Variants in MEGF10 observed in about 807,000 individuals in gnomAD.
MEGF10 encodes the protein multiple epidermal growth factor-like domains protein 10.
In MEGF10, 86 loss-of-function variants were observed where a neutral mutation model predicts 147.5. The ratio of observed to expected loss-of-function variants is 0.58; its 90% CI spans 0.49 to 0.70. The LOEUF is 0.70. Among genes scored for constraint, MEGF10 ranks in the 30% least tolerant of loss-of-function variants. The pLI is 0.00. For missense variants in MEGF10, 1,329 were observed against 1,487.3 expected, an observed-to-expected ratio of 0.89 and a Z score of 1.75; for synonymous variants, 478 against 525.5, an observed-to-expected ratio of 0.91 and a Z score of 1.24.
intron 22 of MEGF10, among the ~76,000 whole-genome samples, chr5:127,452,446 A>G (rs944476952): frequency 6.6e-6 from 1 of 152,214 alleles, no homozygotes; most frequent in Admixed American, 6.5e-5. Context: ...GGGAATTCCC[A>G]AGACCACCCT....
intron 4 of MEGF10, among the ~76,000 whole-genome samples, chr5:127,342,052 T>C (rs780077462): frequency 5.3e-5 from 8 of 152,244 alleles, no homozygotes; most frequent in Non-Finnish European, 1.2e-4. Flanking sequence ...GCTTATACCC[T>C]GAGCCAATCT....
the MEGF10 span, among the ~76,000 whole-genome samples, chr5:127,263,863 T>C: frequency 1.3e-5 from 2 of 152,134 alleles, no homozygotes; most frequent in African/African-American, 2.4e-5. Context: ...ATGGTTACAT[T>C]TGAGAAGGCA....
intron 22 of MEGF10, among the ~76,000 whole-genome samples, chr5:127,453,067 A>G (rs1679771259): frequency 6.6e-6 from 1 of 152,230 alleles, no homozygotes; most frequent in Non-Finnish European, 1.5e-5. Context: ...TGGGACACCA[A>G]CATCAGAACT....
At chr5:127,429,029 C>T (rs567319900) in intron 13 of MEGF10, among the ~76,000 whole-genome samples, 10 of 152,266 alleles carry the variant, frequency 6.6e-5, no homozygotes, top group Non-Finnish European at 1.2e-4. Flanking sequence ...AAAAACAGTC[C>T]CTTACAGATC....
At chr5:127,429,115 AC>A (rs1765309013) in intron 13 of MEGF10, among the ~76,000 whole-genome samples, 1 of 151,788 alleles carries the variant, frequency 6.6e-6, no homozygotes, top group Non-Finnish European at 1.5e-5. Context: ...ATTTAAACCT[AC>A]CCCCTTCCCA....
chr5:127,365,804 A>G (rs755990269), intron 4 of MEGF10, among the ~76,000 whole-genome samples: 12 of 152,184 alleles, frequency 7.9e-5, no homozygotes, highest in Non-Finnish European at 1.6e-4. Context: ...TATTGGATAG[A>G]TTATCTTTGC....
chr5:127,384,361 T>A (rs1275681856), intron 5 of MEGF10, among the ~76,000 whole-genome samples: 1 of 152,260 alleles, frequency 6.6e-6, no homozygotes, highest in African/African-American at 2.4e-5. Context: ...CAAGACTTTT[T>A]ATAGCAAGAC....
chr5:127,321,169 G>A (rs539361983), intron 1 of MEGF10, among the ~76,000 whole-genome samples: 2 of 152,140 alleles, frequency 1.3e-5, no homozygotes, highest in Non-Finnish European at 2.9e-5. Flanking sequence ...ACCTACAAAT[G>A]AGCTCTGTGA....
At chr5:127,277,969 T>C in the MEGF10 span, among the ~76,000 whole-genome samples, 1 of 152,064 alleles carries the variant, frequency 6.6e-6, no homozygotes, top group African/African-American at 2.4e-5. Context: ...GTGAACCAAG[T>C]GGTGATGTCC....
chr5:127,457,107 A>C (rs887893857), intron 24 of MEGF10, 21 bp from the exon 25 acceptor site: 1 of 1,552,328 alleles, frequency 6.4e-7, no homozygotes, highest in Non-Finnish European at 8.7e-7. Context: ...TGATAAATTA[A>C]TATGTCCTTG....
chr5:127,454,441 C>T, intron 22 of MEGF10, 125 bp from the exon 23 acceptor site: 1 of 732,358 alleles, frequency 1.4e-6, no homozygotes, highest in Non-Finnish European at 2.2e-6. Flanking sequence ...GGTGTAAAGG[C>T]TTGAAGAGCA....
the MEGF10 span, among the ~76,000 whole-genome samples, chr5:127,270,609 C>T: frequency 1.4e-4 from 21 of 152,260 alleles, no homozygotes; most frequent in African/African-American, 4.3e-4. Flanking sequence ...TACAAAGAGA[C>T]TTAGACTCCC....
chr5:127,327,913 C>T (rs1416063817), intron 1 of MEGF10, among the ~76,000 whole-genome samples: 1 of 151,986 alleles, frequency 6.6e-6, no homozygotes, highest in African/African-American at 2.4e-5. Flanking sequence ...GACAGGGTTT[C>T]ACCATGTTGG....
intron 3 of MEGF10, 102 bp downstream of exon 3, chr5:127,339,323 A>G (rs1404663193): frequency 3.8e-6 from 3 of 794,824 alleles, no homozygotes; most frequent in East Asian, 5.4e-5. Flanking sequence ...CATTCAGTGA[A>G]TAGGTATTGA....
chr5:127,264,897 C>T, the MEGF10 span, among the ~76,000 whole-genome samples: 3 of 151,518 alleles, frequency 2.0e-5, no homozygotes, highest in African/African-American at 7.3e-5. Context: ...GTTTGCTGCA[C>T]AGATCATCCC....
chr5:127,364,994 T>A (rs1762605009), intron 4 of MEGF10, among the ~76,000 whole-genome samples: 1 of 152,156 alleles, frequency 6.6e-6, no homozygotes, highest in Admixed American at 6.6e-5. Context: ...GTCTGAAAAA[T>A]GTAGGAATGA....
chr5:127,314,961 G>C (rs994867747), intron 1 of MEGF10, among the ~76,000 whole-genome samples: 8 of 152,032 alleles, frequency 5.3e-5, no homozygotes, highest in African/African-American at 1.9e-4. Context: ...GGCTGCTGTT[G>C]TTTCCAATAT....
chr5:127,282,196 A>G, the MEGF10 span, among the ~76,000 whole-genome samples: 1 of 152,196 alleles, frequency 6.6e-6, no homozygotes, highest in East Asian at 1.9e-4. Flanking sequence ...ATAGGAGGGT[A>G]GAAATATTCC....
At chr5:127,421,828 ATTAGTTTATAATTTAAAATTT>A (rs971240201) in intron 12 of MEGF10, among the ~76,000 whole-genome samples, 3 of 151,056 alleles carry the variant, frequency 2.0e-5, no homozygotes, top group African/African-American at 7.2e-5. Flanking sequence ...AATTTTTAAG[ATTAGTTTATAATTTAAAATTT>A]TTTTAAATTA....
Sources: gnomAD v4.1 joint callset for allele counts (sites outside exome capture counted in the v4.1 genomes callset) on GRCh38, gnomAD v4.1.1 for gene constraint, MANE v1.5 for transcripts, NCBI Gene and HGNC (gene_info 2026-07-23, HGNC 2026-07-21) for gene names.